The following AHRR variants were observed in gnomAD, a reference collection of about 807,000 sequenced individuals.
AHRR encodes the protein aryl hydrocarbon receptor repressor.
Under a neutral mutation model 44.0 loss-of-function variants are expected in AHRR, and 28 were observed. The observed-to-expected ratio is 0.64, with a 90% CI of 0.47 to 0.87. AHRR has a LOEUF of 0.87. Ranked by LOEUF, AHRR falls within the 40% of genes least tolerant of loss-of-function variation. AHRR has a pLI of 0.00. For synonymous variants in AHRR, 434 were observed against 407.0 expected (o/e 1.07, Z -0.80); for missense variants, 990 against 953.9 (o/e 1.04, Z -0.50).
In AHRR at chr5:417,130, CTG is replaced by C. The variant is rs1228499504; in HGVS notation, c.441+3699_441+3700del. Among the ~76,000 whole-genome samples, 4 of 125,572 alleles carry C rather than the reference CTG, an allele frequency of 3.2e-5. No homozygotes were observed. The East Asian group carries it at 1.0e-3, about 31-fold the overall frequency. The allele number at this position is 125,572 out of a possible 152,430, so 82.4% of individuals were successfully genotyped here. On this transcript the variant is annotated intron_variant, in intron 5 of 10. Coordinates refer to ENST00000684583, the MANE Select transcript of AHRR (RefSeq NM_001377236.1). ...GGCCCGAGTTTAGAGAAGGCGGGGTCTGTATGTGCAGGGCCTGAGTCTGGAGA... is the reference window on the plus strand; with the variant it reads ...GGCCCGAGTTTAGAGAAGGCGGGGTCTATGTGCAGGGCCTGAGTCTGGAGA...
chr5:406,736 T>G lies in AHRR; in HGVS notation c.352-6608T>G, dbSNP rs973454482. The stretch of plus-strand genomic sequence containing the variant: ...CAATTCCAGATAAAATAATAGCAAT[T>G]AACTTCCATCTGTGTTATAAAAGCA... On this transcript the variant is annotated intron_variant, in intron 4 of 10. Transcript: ENST00000684583. This position sits in a 1 kb window ranked among gnomAD's most constrained non-coding sequence, Gnocchi z 4.7. Among the ~76,000 whole-genome samples the G allele has an allele frequency of 6.6e-6, 1 of 152,098 alleles. No homozygotes were observed.
chr5:415,392 C>G (rs763183742), intron 5 of AHRR, among the ~76,000 whole-genome samples: 328 of 126,120 alleles, frequency 2.6e-3, no homozygotes, highest in Non-Finnish European at 3.0e-3. Flanking sequence ...GCCTAGGGGC[C>G]GAGTCTGCCT....
At chr5:392,271 CGGGCGCAGGGCGAGGA>C (rs1229552861) in intron 4 of AHRR, among the ~76,000 whole-genome samples, 1 of 63,436 alleles carries the variant, frequency 1.6e-5, no homozygotes, top group African/African-American at 8.8e-5. Context: ...AGAGCGTGCA[CGGGCGCAGGGCGAGGA>C]GGGCGCAGGG....
At chr5:328,624 T>A (rs2126321881) in intron 1 of AHRR, among the ~76,000 whole-genome samples, 1 of 152,302 alleles carries the variant, frequency 6.6e-6, no homozygotes, top group Admixed American at 6.5e-5. Context: ...ATTTCTCTGA[T>A]GATTAGTGAT....
At chr5:347,582 GAC>G (rs1194947567) in intron 2 of AHRR, among the ~76,000 whole-genome samples, 7 of 152,210 alleles carry the variant, frequency 4.6e-5, no homozygotes, top group Non-Finnish European at 8.8e-5. Context: ...GGCAATGAAA[GAC>G]AGTGAATGAC....
chr5:432,428 G>A (rs369190428), intron 8 of AHRR, 35 bp from the exon 9 acceptor site: 75 of 1,601,450 alleles, frequency 4.7e-5, no homozygotes, highest in South Asian at 1.5e-4. Context: ...TTGTTCATCC[G>A]TCACATGTCA....
chr5:372,617 T>C (rs1305538512), intron 3 of AHRR, among the ~76,000 whole-genome samples: 1 of 152,028 alleles, frequency 6.6e-6, no homozygotes, highest in Non-Finnish European at 1.5e-5. Flanking sequence ...GGGTGCGTGA[T>C]CTCCAGTGGC....
intron 3 of AHRR, among the ~76,000 whole-genome samples, chr5:355,334 G>A (rs938742874): frequency 1.3e-5 from 2 of 152,170 alleles, no homozygotes; most frequent in Admixed American, 6.6e-5. Context: ...TTGAGGGCAG[G>A]CTCCCAGGTT....
intron 4 of AHRR, among the ~76,000 whole-genome samples, chr5:408,079 C>T (rs1312043794): frequency 6.6e-6 from 1 of 152,262 alleles, no homozygotes; most frequent in Non-Finnish European, 1.5e-5. Flanking sequence ...GTCTCCACCC[C>T]TGGCACTCTG....
At chr5:347,790 C>T (rs1257889302) in intron 2 of AHRR, among the ~76,000 whole-genome samples, 1 of 152,172 alleles carries the variant, frequency 6.6e-6, no homozygotes, top group East Asian at 1.9e-4. Flanking sequence ...AAACTGGAGG[C>T]CAAAACACTG....
At chr5:343,493 C>CATACCTTCTCGGGG (rs1742436636) in intron 1 of AHRR, 1 of 241,780 alleles carries the variant, frequency 4.1e-6, no homozygotes, top group African/African-American at 2.3e-5. Context: ...CGGGATCCCG[C>CATACCTTCTCGGGG]GTGACGAGTG....
chr5:437,301 T>A lies in AHRR; in HGVS notation c.*2467T>A, dbSNP rs913880301. ...CCAGCCACGTCCTGTGTCCTGGAGCTTAGCCCTCAGCAGCTCCCTTCAGCC... is the reference window on the plus strand; with the variant it reads ...CCAGCCACGTCCTGTGTCCTGGAGCATAGCCCTCAGCAGCTCCCTTCAGCC... On this transcript the variant is annotated 3_prime_UTR_variant, in exon 11 of 11. Coordinates refer to ENST00000684583, the MANE Select transcript of AHRR (RefSeq NM_001377236.1). The A allele has an allele frequency of 3.3e-5, 5 of 152,506 alleles. No homozygotes were observed. Among genetic ancestry groups the A allele is most frequent in the African/African-American group, 1.2e-4 (5 of 41,592 alleles). 9.4% of individuals were successfully genotyped at this position (152,506 alleles called of 1,614,324 possible).
intron 3 of AHRR, among the ~76,000 whole-genome samples, chr5:373,538 C>A (rs1743651356): frequency 6.6e-6 from 1 of 152,216 alleles, no homozygotes; most frequent in African/African-American, 2.4e-5. Flanking sequence ...AAGGACACCG[C>A]GCTCCCAGCT....
intron 1 of AHRR, among the ~76,000 whole-genome samples, chr5:325,307 T>C (rs1043455743): frequency 6.6e-6 from 1 of 152,118 alleles, no homozygotes; most frequent in African/African-American, 2.4e-5. Flanking sequence ...CCCTATCCCC[T>C]TTACCTTCCT....
At chr5:393,988 C>T (rs988511897) in intron 4 of AHRR, among the ~76,000 whole-genome samples, 1 of 152,220 alleles carries the variant, frequency 6.6e-6, no homozygotes, top group Non-Finnish European at 1.5e-5. Context: ...TCTGTGAGTT[C>T]TTCCCAGCCG....
At chr5:362,729 G>C (rs980306961) in intron 3 of AHRR, among the ~76,000 whole-genome samples, 3 of 152,170 alleles carry the variant, frequency 2.0e-5, no homozygotes, top group African/African-American at 7.2e-5. Context: ...ATTATTTTAG[G>C]AGCTGATTTT....
intron 3 of AHRR, among the ~76,000 whole-genome samples, chr5:368,784 C>T (rs959615615): frequency 6.6e-6 from 1 of 152,226 alleles, no homozygotes; most frequent in African/African-American, 2.4e-5. Flanking sequence ...CAGAGAAACG[C>T]GTGGGCACTG....
rs965603036 is a variant in AHRR at position 387,069 on chromosome 5, G to A, written c.351+10353G>A. 2.6e-5 allele frequency among the ~76,000 whole-genome samples: 4 copies of A among 152,366 alleles called. No individual in the cohort carries two copies. The highest frequency in any genetic ancestry group is 2.1e-4 in the South Asian group (1 of 4,830). On this transcript the variant is annotated intron_variant, in intron 4 of 10. Coordinates refer to ENST00000684583, the MANE Select transcript of AHRR (RefSeq NM_001377236.1). This position sits in a 1 kb window ranked among gnomAD's most constrained non-coding sequence, Gnocchi z 5.1. Reference sequence around the variant, plus strand: ...TTGATTGTCAAAGCCTCTGCTGCACGGGGTGGGTCTGCCCCTGACAGGCAG... The same window carrying A: ...TTGATTGTCAAAGCCTCTGCTGCACAGGGTGGGTCTGCCCCTGACAGGCAG...
At chr5:371,018 G>A (rs1029968060) in intron 3 of AHRR, among the ~76,000 whole-genome samples, 2 of 152,202 alleles carry the variant, frequency 1.3e-5, no homozygotes, top group Non-Finnish European at 2.9e-5. Context: ...GCTGCAAGCT[G>A]GAGACCCAGG....
Sources: allele counts gnomAD v4.1 joint callset (sites outside exome capture counted in the v4.1 genomes callset), GRCh38; gene constraint gnomAD v4.1.1; non-coding constraint Gnocchi (gnomAD v3.1); transcripts MANE v1.5; gene names NCBI Gene and HGNC (gene_info 2026-07-23, HGNC 2026-07-21).